Variants in BCKDHB observed in about 807,000 individuals in gnomAD.
The protein encoded by BCKDHB is 2-oxoisovalerate dehydrogenase subunit beta, mitochondrial.
In BCKDHB, 41 loss-of-function variants were observed where a neutral mutation model predicts 48.5. That is an observed-to-expected ratio of 0.85 (90% CI 0.66 to 1.10). The LOEUF is 1.10. BCKDHB is among the 50% of genes least tolerant of loss of function. The pLI is 0.00. For missense variants in BCKDHB, 496 were observed against 494.2 expected (o/e 1.00, Z -0.03); for synonymous variants, 201 against 174.8 (o/e 1.15, Z -1.18).
At chr6:80,176,873 A>G (rs1470954041) in intron 6 of BCKDHB, among the ~76,000 whole-genome samples, 1 of 152,182 alleles carries the variant, frequency 6.6e-6, no homozygotes, top group African/African-American at 2.4e-5. Context: ...GAGCGGAAAC[A>G]AGAAAAGGAA....
chr6:80,432,523 G>A, the BCKDHB span, among the ~76,000 whole-genome samples: 16 of 151,888 alleles, frequency 1.1e-4, no homozygotes, highest in Admixed American at 2.0e-4. Flanking sequence ...TGTGTTTTTC[G>A]GCTCCATCTG....
At chr6:80,163,801 G>A (rs1468302779) in intron 3 of BCKDHB, among the ~76,000 whole-genome samples, 2 of 152,044 alleles carry the variant, frequency 1.3e-5, no homozygotes, top group Non-Finnish European at 2.9e-5. Context: ...TCAGTTACTG[G>A]GAACTCTGTC....
the BCKDHB span, among the ~76,000 whole-genome samples, chr6:80,458,704 A>T: frequency 6.6e-6 from 1 of 152,200 alleles, no homozygotes; most frequent in Non-Finnish European, 1.5e-5. Flanking sequence ...AATAAATGAT[A>T]GTTATTATTA....
chr6:80,411,028 CT>C, the BCKDHB span, among the ~76,000 whole-genome samples: 1 of 152,160 alleles, frequency 6.6e-6, no homozygotes, highest in Non-Finnish European at 1.5e-5. Flanking sequence ...AAGAGGTGCT[CT>C]GGTTTTTGGA....
At chr6:80,412,277 G>T in the BCKDHB span, among the ~76,000 whole-genome samples, 1 of 151,524 alleles carries the variant, frequency 6.6e-6, no homozygotes, top group Admixed American at 6.6e-5. Flanking sequence ...TTGAGTAGCT[G>T]GGACTACAGG....
chr6:80,289,024 A>G (rs1463450814), intron 9 of BCKDHB, among the ~76,000 whole-genome samples: 1 of 152,190 alleles, frequency 6.6e-6, no homozygotes, highest in Non-Finnish European at 1.5e-5. Flanking sequence ...TTAAAATTCT[A>G]GTAAACACAG....
chr6:80,277,061 G>A (rs1316111798), intron 9 of BCKDHB, among the ~76,000 whole-genome samples: 1 of 151,960 alleles, frequency 6.6e-6, no homozygotes, highest in African/African-American at 2.4e-5. Flanking sequence ...TCTCACTTTA[G>A]GGTATGGGAA....
chr6:80,412,736 G>A, the BCKDHB span, among the ~76,000 whole-genome samples: 1 of 152,132 alleles, frequency 6.6e-6, no homozygotes, highest in Admixed American at 6.5e-5. Flanking sequence ...TTCAGCTTTT[G>A]TCTGGCAAAG....
chr6:80,238,847 G>C (rs1308075773), intron 8 of BCKDHB, among the ~76,000 whole-genome samples: 1 of 152,048 alleles, frequency 6.6e-6, no homozygotes, highest in Admixed American at 6.6e-5. Flanking sequence ...GAGAACATGT[G>C]GTGTTTAGTT....
At chr6:80,129,264 G>T (rs1357833619) in intron 3 of BCKDHB, 35 bp downstream of exon 3, 3 of 1,531,594 alleles carry the variant, frequency 2.0e-6, no homozygotes, top group South Asian at 2.3e-5. Context: ...TATTCTGATA[G>T]AACTTTTACT....
chr6:80,149,614 G>A (rs1426402368), intron 3 of BCKDHB, among the ~76,000 whole-genome samples: 1 of 151,318 alleles, frequency 6.6e-6, no homozygotes, highest in African/African-American at 2.4e-5. Flanking sequence ...TTAAGAAAAT[G>A]TGGCACATAT....
chr6:80,243,195 A>T (rs940905288), intron 8 of BCKDHB, among the ~76,000 whole-genome samples: 1 of 152,178 alleles, frequency 6.6e-6, no homozygotes, highest in African/African-American at 2.4e-5. Context: ...AAGTACAGGG[A>T]TATCAAGAGA....
intron 1 of BCKDHB, among the ~76,000 whole-genome samples, chr6:80,111,508 C>T (rs1330951651): frequency 6.6e-6 from 1 of 152,160 alleles, no homozygotes; most frequent in Non-Finnish European, 1.5e-5. Flanking sequence ...TCTCGTTTTT[C>T]TTGCATTTGA....
chr6:80,108,587 C>T (rs889466031), intron 1 of BCKDHB, among the ~76,000 whole-genome samples: 5 of 149,024 alleles, frequency 3.4e-5, no homozygotes, highest in African/African-American at 1.2e-4. Flanking sequence ...ATCTGCCGGG[C>T]GCAGTGGCTC....
chr6:80,416,053 T>C, the BCKDHB span, among the ~76,000 whole-genome samples: 2 of 152,046 alleles, frequency 1.3e-5, no homozygotes, highest in Non-Finnish European at 2.9e-5. Flanking sequence ...TTACAGTTTA[T>C]CTGCGTAGAG....
At chr6:80,252,210 A>T (rs1375508584) in intron 8 of BCKDHB, among the ~76,000 whole-genome samples, 1 of 152,186 alleles carries the variant, frequency 6.6e-6, no homozygotes, top group Non-Finnish European at 1.5e-5. Context: ...CTGATTGCAA[A>T]GTCTATGCTG....
chr6:80,278,178 TAAC>T (rs553323208), intron 9 of BCKDHB, among the ~76,000 whole-genome samples: 245 of 152,282 alleles, frequency 1.6e-3, no homozygotes, highest in Non-Finnish European at 2.7e-3. Flanking sequence ...TAATCTCAGT[TAAC>T]AAAAAATTTA....
the BCKDHB span, among the ~76,000 whole-genome samples, chr6:80,390,449 G>A: frequency 6.6e-6 from 1 of 152,224 alleles, no homozygotes; most frequent in South Asian, 2.1e-4. Flanking sequence ...AGGAACTGTA[G>A]TTGTCATGAG....
intron 8 of BCKDHB, chr6:80,251,754 C>T (rs1245600229): frequency 2.6e-5 from 4 of 152,160 alleles, no homozygotes; most frequent in Non-Finnish European, 5.9e-5. Flanking sequence ...CCAACATCAA[C>T]AGCTGGTTTG....
Sources: allele counts gnomAD v4.1 joint callset (sites outside exome capture counted in the v4.1 genomes callset), GRCh38; gene constraint gnomAD v4.1.1; transcripts MANE v1.5; gene names NCBI Gene and HGNC (gene_info 2026-07-23, HGNC 2026-07-21).